Variants in POLR2M observed in about 807,000 individuals in gnomAD.
The protein encoded by POLR2M is RNA polymerase II subunit M, also known as protein GRINL1A.
In POLR2M, 30 loss-of-function variants were observed where a neutral mutation model predicts 34.6. That is an observed-to-expected ratio of 0.87 (90% CI 0.65 to 1.18). The LOEUF (loss-of-function observed/expected upper bound fraction) is 1.18, where lower values mean the gene tolerates loss of function less well. POLR2M is among the 50% of genes most tolerant of loss of function. POLR2M has a pLI of 0.00. For synonymous variants in POLR2M, 150 were observed against 166.7 expected, an observed-to-expected ratio of 0.90 and a Z score of 0.77; for missense variants, 432 against 448.7, an observed-to-expected ratio of 0.96 and a Z score of 0.34.
rs1365413983 is a variant in POLR2M at position 57,709,188 on chromosome 15, A to G, written c.588A>G (p.Leu196=). 4 of 1,614,240 alleles carry G rather than the reference A, an allele frequency of 2.5e-6. No homozygotes were observed. The highest frequency in any genetic ancestry group is 2.2e-5 in the East Asian group (1 of 44,892). ...TTGACAACCTGTTTATTGACAGGTT[A>G]CAGAGGATCACCATTGCGGACCAAG... The part of the protein sequence containing the change: ...SSFDNLFIDR[L]QRITIADQGE... The change falls in exon 2 of 4, where the codon TTA becomes TTG. Residue 196 remains leucine (L), a synonymous_variant. Transcript: ENST00000299638.
At position 57,709,053 on chromosome 15, in the gene POLR2M, T is replaced by C. The variant is rs1396106259; in HGVS notation, c.453T>C (p.Asn151=). The part of the protein sequence containing the change: ...EETSEVEYTV[N]KGPASSNRDR... ...CTTCAGAGGTTGAGTACACAGTGAA[T>C]AAGGGCCCAGCTTCCAGCAATAGAG... The change falls in exon 2 of 4, where the codon AAT becomes AAC. Residue 151 remains asparagine (N), a synonymous_variant. Coordinates refer to ENST00000299638, the MANE Select transcript of POLR2M (RefSeq NM_015532.5). 1.9e-6 allele frequency: 3 copies of C among 1,614,118 alleles called. No individual in the cohort carries two copies. The highest frequency in any genetic ancestry group is 3.3e-5 in the Admixed American group (2 of 60,016).
Position 57,714,763 on chromosome 15 carries a change from T to C in POLR2M, c.*84T>C, listed in dbSNP as rs1254232270. On this transcript the variant is annotated 3_prime_UTR_variant, in exon 4 of 4. Transcript: ENST00000299638. ...CTAGTATCAAGATCAGTGTCAGATATTGTTGAGGGAAGTAATTTTATAAAG... is the reference window on the plus strand; with the variant it reads ...CTAGTATCAAGATCAGTGTCAGATACTGTTGAGGGAAGTAATTTTATAAAG... 16 of 1,541,754 alleles carry C rather than the reference T, an allele frequency of 1.0e-5. No homozygotes were observed. The highest frequency in any genetic ancestry group is 1.4e-5 in the African/African-American group (1 of 71,380).
intron 1 of POLR2M, among the ~76,000 whole-genome samples, 200 bp from the exon 2 acceptor site, chr15:57,708,514 C>T (rs1426192616): frequency 2.0e-5 from 3 of 152,116 alleles, no homozygotes; most frequent in African/African-American, 7.2e-5. Context: ...CCCTATTCTT[C>T]CTGCATTCCC....
rs2040870835 is a variant in POLR2M, at chr15:57,714,608, G to A, written c.1036G>A (p.Glu346Lys). The A allele has an allele frequency of 1.9e-6, 3 of 1,613,366 alleles. No individual in the cohort carries two copies. The highest frequency in any genetic ancestry group is 1.8e-4 in the Middle Eastern group (1 of 5,562). ...TATTAAAATGCGGAGTTATAATCCA[G>A]AAGGGGAGTCTTCAGGGAGATACCG... ...LNIKMRSYNP[E>K]GESSGRYREV... The change falls in exon 4 of 4, where the codon GAA (glutamate) becomes AAA (lysine). Residue 346 changes from glutamate to lysine, a missense_variant. Glu to Lys is a moderately conservative substitution (Grantham distance 56). Coordinates refer to ENST00000299638, the MANE Select transcript of POLR2M (RefSeq NM_015532.5).
chr15:57,709,257 A>G lies in POLR2M; in HGVS notation c.657A>G (p.Thr219=), dbSNP rs982364573. ...AAAACGCAAGTACTAAGAACTTGACAGGCCTTTCCAGTGGGACTGAGAAGA... is the reference window on the plus strand; with the variant it reads ...AAAACGCAAGTACTAAGAACTTGACGGGCCTTTCCAGTGGGACTGAGAAGA... ...SEENASTKNL[T]GLSSGTEKKP... Residue 219 remains threonine (T), a synonymous_variant, in exon 2 of 4, where the codon ACA becomes ACG. Transcript: ENST00000299638. 5 of 1,614,254 alleles carry G rather than the reference A, an allele frequency of 3.1e-6. No individual in the cohort carries two copies. The Admixed American group carries it at 6.7e-5, about 22-fold the overall frequency.
intron 2 of POLR2M, among the ~76,000 whole-genome samples, chr15:57,711,311 C>T (rs2040702604): frequency 6.6e-6 from 1 of 152,224 alleles, no homozygotes; most frequent in Non-Finnish European, 1.5e-5. Flanking sequence ...TACCTCTAGT[C>T]TTAACTACCA....
chr15:57,708,829 C>G lies in POLR2M; in HGVS notation c.229C>G (p.Pro77Ala). The change falls in exon 2 of 4, where the codon CCT becomes GCT. Residue 77 changes from proline to alanine, a missense_variant. Coordinates refer to ENST00000299638, the MANE Select transcript of POLR2M (RefSeq NM_015532.5). ...TAGAAGAAAAAGTGAACTGTTTAACCCTGTTAGTTTAGACTGTAAGCTAAG... is the reference window on the plus strand; with the variant it reads ...TAGAAGAAAAAGTGAACTGTTTAACGCTGTTAGTTTAGACTGTAAGCTAAG... ...EVRRKSELFN[P>A]VSLDCKLRQK... is the part of the protein sequence containing the mutation. 6.2e-7 allele frequency: 1 copy of G among 1,613,876 alleles called. No homozygotes were observed.
At chr15:57,711,879 T>C (rs1567268548) in intron 2 of POLR2M, 105 bp from the exon 3 acceptor site, 2 of 1,319,886 alleles carry the variant, frequency 1.5e-6, no homozygotes, top group Non-Finnish European at 2.1e-6. Flanking sequence ...CTGTTACCTT[T>C]GGAGGAGAAT....
chr15:57,707,152 C>T (rs1468149095), intron 1 of POLR2M, 197 bp downstream of exon 1: 13 of 1,521,368 alleles, frequency 8.5e-6, no homozygotes, highest in Non-Finnish European at 1.2e-5. Context: ...GCACGTATGC[C>T]TGCGAGGATA....
rs1409354458 is a variant in POLR2M, at chr15:57,708,926, C to T, written c.326C>T (p.Ser109Leu). 9 of 1,614,006 alleles carry T rather than the reference C, an allele frequency of 5.6e-6. No homozygotes were observed. The highest frequency in any genetic ancestry group is 3.3e-5 in the Admixed American group (2 of 60,004). Residue 109 changes from serine to leucine, a missense_variant, in exon 2 of 4, where the codon TCA (serine) becomes TTA (leucine). Coordinates refer to ENST00000299638, the MANE Select transcript of POLR2M (RefSeq NM_015532.5). Reference protein sequence around the residue: ...AQNSDPILDTSSLVPGCSSVD... With the variant: ...AQNSDPILDTLSLVPGCSSVD... ...AATTCTGACCCGATACTTGATACTT[C>T]ATCACTAGTTCCTGGATGTTCCTCT...
At position 57,709,071 on chromosome 15, in the gene POLR2M, C is replaced by T. The variant is rs753189529; in HGVS notation, c.471C>T (p.Ser157=). 78 of 1,614,002 alleles carry T rather than the reference C, an allele frequency of 4.8e-5. No individual in the cohort carries two copies. Among genetic ancestry groups the T allele is most frequent in the Non-Finnish European group, 6.5e-5 (77 of 1,180,016 alleles). The change falls in exon 2 of 4, where the codon AGC becomes AGT. Residue 157 remains serine, a synonymous_variant. Coordinates refer to ENST00000299638, the MANE Select transcript of POLR2M (RefSeq NM_015532.5). ...EYTVNKGPAS[S]NRDRVPPSSE... ...CAGTGAATAAGGGCCCAGCTTCCAG[C>T]AATAGAGACAGGGTACCACCTTCAT...
chr15:57,706,979 T>C (rs781449207), intron 1 of POLR2M, 24 bp downstream of exon 1: 6 of 1,563,460 alleles, frequency 3.8e-6, no homozygotes, highest in Non-Finnish European at 3.5e-6. Context: ...CCGCGGAGTC[T>C]CCGCCAGGCT....
intron 3 of POLR2M, among the ~76,000 whole-genome samples, chr15:57,713,804 G>A (rs2040831082): frequency 7.4e-6 from 1 of 134,710 alleles, no homozygotes; most frequent in African/African-American, 2.8e-5. Flanking sequence ...TAGAAATCTA[G>A]ACAGCATTAG....
At position 57,712,214 on chromosome 15, in the gene POLR2M, CTGTT is replaced by C. The variant is rs751855264; in HGVS notation, c.963+31_963+34del. 5 of 1,612,350 alleles carry C rather than the reference CTGTT, an allele frequency of 3.1e-6. No individual in the cohort carries two copies. The South Asian group carries it at 4.4e-5, about 14-fold the overall frequency. On this transcript the variant is annotated intron_variant, in intron 3 of 3. Transcript: ENST00000299638. The stretch of plus-strand genomic sequence containing the variant: ...GTATTTAGAGTATTTTTTTTCTTGT[CTGTT>C]TGTTGGGTGCTGCTTACATAAGCTA...
chr15:57,713,340 G>A (rs1175838521), intron 3 of POLR2M, among the ~76,000 whole-genome samples: 1 of 152,172 alleles, frequency 6.6e-6, no homozygotes, highest in Non-Finnish European at 1.5e-5. Context: ...AGTTATGGCT[G>A]TAGCATTGAG....
At chr15:57,707,919 GA>G (rs1241096343) in intron 1 of POLR2M, among the ~76,000 whole-genome samples, 2 of 152,212 alleles carry the variant, frequency 1.3e-5, no homozygotes, top group African/African-American at 4.8e-5. Context: ...AAAAAGAACA[GA>G]GGACTTAAGG....
At position 57,709,143 on chromosome 15, in the gene POLR2M, G is replaced by A. The variant is rs138355131; in HGVS notation, c.543G>A (p.Ala181=). Residue 181 remains alanine, a synonymous_variant, in exon 2 of 4, where the codon GCG becomes GCA. Transcript: ENST00000299638. ...HHPRHRVSSQ[A]EDTSSSFDNL... ...CGCGGCATCGTGTTTCAAGTCAAGC[G>A]GAAGATACTTCCAGCAGCTTTGACA... is the stretch of plus-strand genomic sequence containing the variant. 7.5e-4 allele frequency: 1,203 copies of A among 1,613,832 alleles called. 2 individuals are homozygous for A. In the African/African-American group the frequency reaches 7.7e-3, roughly 10 times the overall value.
Position 57,716,659 on chromosome 15 carries a change from CTT to C in POLR2M, c.*1983_*1984del, listed in dbSNP as rs2040956953. 2.6e-5 allele frequency: 4 copies of C among 152,226 alleles called. No individual in the cohort carries two copies. The highest frequency in any genetic ancestry group is 7.2e-5 in the African/African-American group (3 of 41,454). The allele number at this position is 152,226 out of a possible 1,614,324, so 9.4% of individuals were successfully genotyped here. On this transcript the variant is annotated 3_prime_UTR_variant, in exon 4 of 4. Coordinates refer to ENST00000299638, the MANE Select transcript of POLR2M (RefSeq NM_015532.5). ...ATTCATTGGCCATGCTATATTCATTCTTTTGAGAATTGCTCATTCATATTTTT... is the reference window on the plus strand; with the variant it reads ...ATTCATTGGCCATGCTATATTCATTCTTGAGAATTGCTCATTCATATTTTT...
rs140115125 is a variant in POLR2M, at chr15:57,706,966, G to A, written c.113+11G>A. On this transcript the variant is annotated intron_variant, in intron 1 of 3. Coordinates refer to ENST00000299638, the MANE Select transcript of POLR2M (RefSeq NM_015532.5). ...ACTTTTGCGCAACGAGTAAGCTGGG[G>A]TCCCGCGGAGTCTCCGCCAGGCTCC... The A allele has an allele frequency of 8.6e-3, 13,625 of 1,576,928 alleles. 75 individuals are homozygous for A. Among genetic ancestry groups the A allele is most frequent in the Non-Finnish European group, 0.01 (11,879 of 1,160,930 alleles).
Sources: gnomAD v4.1 joint callset for allele counts (sites outside exome capture counted in the v4.1 genomes callset) on GRCh38, gnomAD v4.1.1 for gene constraint, MANE v1.5 for transcripts, NCBI Gene and HGNC (gene_info 2026-07-23, HGNC 2026-07-21) for gene names.